Variants in COL28A1 observed in about 807,000 individuals in gnomAD.
COL28A1 encodes collagen alpha-1(XXVIII) chain.
COL28A1 carries 161 observed loss-of-function variants against 150.2 expected under a neutral mutation model. That is an observed-to-expected ratio of 1.07 (90% confidence interval 0.94 to 1.22). COL28A1 has a LOEUF of 1.22. Ranked by LOEUF, COL28A1 falls within the 50% of genes most tolerant of loss-of-function variation. The pLI is 0.00. For missense variants in COL28A1, 1,617 were observed against 1,388.3 expected (o/e 1.16, Z -2.62); for synonymous variants, 552 against 469.7 (o/e 1.18, Z -2.26).
At chr7:7,507,224 G>C in intron 9 of COL28A1, 63 bp from the exon 10 acceptor site, 1 of 773,408 alleles carries the variant, frequency 1.3e-6, no homozygotes, top group Non-Finnish European at 2.2e-6. Context: ...AGTGATTTTA[G>C]GTAGGAGGGA....
chr7:7,474,568 A>T (rs765969936), intron 15 of COL28A1, 33 bp downstream of exon 15: 1 of 896,366 alleles, frequency 1.1e-6, no homozygotes, highest in South Asian at 1.4e-5. Context: ...TTTTATTGGC[A>T]TTGTTTCCAG....
chr7:7,341,577 C>G, the COL28A1 span, among the ~76,000 whole-genome samples: 25 of 152,038 alleles, frequency 1.6e-4, no homozygotes, highest in African/African-American at 6.0e-4. Flanking sequence ...CACCTGACTT[C>G]TTATTAATTT....
At chr7:7,514,177 AG>A (rs59124364) in intron 8 of COL28A1, among the ~76,000 whole-genome samples, 19,799 of 152,216 alleles carry the variant, frequency 0.13, 1,427 homozygotes, top group East Asian at 0.21. Flanking sequence ...AAAATGGAGG[AG>A]GGGGCCACCC....
intron 26 of COL28A1, among the ~76,000 whole-genome samples, chr7:7,418,551 T>C (rs1249270107): frequency 6.6e-6 from 1 of 152,212 alleles, no homozygotes; most frequent in Non-Finnish European, 1.5e-5. Context: ...AGTAGACTAA[T>C]GGCTCTAACA....
chr7:7,374,037 A>AT (rs1367047717), intron 31 of COL28A1, among the ~76,000 whole-genome samples: 28,986 of 107,732 alleles, frequency 0.27, 3,974 homozygotes, highest in South Asian at 0.4. Flanking sequence ...AAAAAAAAAA[A>AT]AATATATATA....
intron 20 of COL28A1, among the ~76,000 whole-genome samples, chr7:7,441,757 G>A (rs893288176): frequency 1.3e-5 from 2 of 151,980 alleles, no homozygotes; most frequent in Admixed American, 6.6e-5. Flanking sequence ...CTGGTTCAGG[G>A]ACCACACTTT....
At chr7:7,349,276 C>T in the COL28A1 span, among the ~76,000 whole-genome samples, 16 of 152,188 alleles carry the variant, frequency 1.1e-4, no homozygotes, top group East Asian at 9.6e-4. Flanking sequence ...CACCTATTTA[C>T]GGCCCAGAAT....
intron 18 of COL28A1, among the ~76,000 whole-genome samples, chr7:7,449,185 A>G (rs188806762): frequency 1.3e-3 from 193 of 152,266 alleles, no homozygotes; most frequent in Non-Finnish European, 2.4e-3. Flanking sequence ...AGTCAGTTGA[A>G]TGATCATCAT....
chr7:7,473,621 A>G (rs892391342), intron 15 of COL28A1, among the ~76,000 whole-genome samples: 2 of 152,214 alleles, frequency 1.3e-5, no homozygotes, highest in Non-Finnish European at 2.9e-5. Context: ...TATGGAAAAC[A>G]GTGTGGAGAT....
the COL28A1 span, among the ~76,000 whole-genome samples, chr7:7,345,330 A>AATATGTTC: frequency 6.6e-6 from 1 of 152,070 alleles, no homozygotes; most frequent in South Asian, 2.1e-4. Flanking sequence ...CAAGGCTTTT[A>AATATGTTC]ATATGTTCAT....
At position 7,454,822 on chromosome 7, in the gene COL28A1, T is replaced by C. The variant is rs551302811; in HGVS notation, c.1371+1222A>G. Among the ~76,000 whole-genome samples the C allele has an allele frequency of 2.0e-5, 3 of 152,348 alleles. No homozygotes were observed. The South Asian group carries it at 6.2e-4, about 32-fold the overall frequency. ...TAAAAGGCTTGAGAATGTCGGCTGG[T>C]ATAATCAAATGATGATATTTGAGTA... On this transcript the variant is annotated intron_variant, in intron 16 of 34. Coordinates refer to ENST00000399429, the MANE Select transcript of COL28A1 (RefSeq NM_001037763.3).
intron 11 of COL28A1, among the ~76,000 whole-genome samples, chr7:7,504,691 C>A (rs74345229): frequency 0.017 from 2,539 of 152,248 alleles, 91 homozygotes; most frequent in African/African-American, 0.058. Context: ...CTGCCTCAGG[C>A]AAGCCATTTG....
intron 27 of COL28A1, among the ~76,000 whole-genome samples, chr7:7,414,844 C>A (rs1338364441): frequency 1.3e-5 from 2 of 152,204 alleles, no homozygotes; most frequent in African/African-American, 2.4e-5. Flanking sequence ...CTCACAAGGG[C>A]CCTGCCTACT....
At chr7:7,342,568 T>C in the COL28A1 span, among the ~76,000 whole-genome samples, 3 of 152,036 alleles carry the variant, frequency 2.0e-5, no homozygotes, top group African/African-American at 7.2e-5. Context: ...TTTTTCCATC[T>C]ACTAGATTTG....
chr7:7,487,433 C>G lies in COL28A1; in HGVS notation c.1164+1956G>C, dbSNP rs185508308. 9.3e-4 allele frequency among the ~76,000 whole-genome samples: 142 copies of G among 152,156 alleles called. 2 individuals are homozygous for G. The East Asian group carries it at 0.022, about 24-fold the overall frequency. ...TCTCTACAAAAACTACAAAAATTAG[C>G]CAGGCATGGTGGCGGGCACCTGTAA... On this transcript the variant is annotated intron_variant, in intron 13 of 34. Transcript: ENST00000399429.
the COL28A1 span, among the ~76,000 whole-genome samples, chr7:7,343,972 C>A: frequency 6.6e-6 from 1 of 151,610 alleles, no homozygotes; most frequent in African/African-American, 2.4e-5. Context: ...TGTACTACTG[C>A]CTCCAGCTGG....
At chr7:7,525,538 G>A (rs1043475070) in intron 3 of COL28A1, among the ~76,000 whole-genome samples, 13 of 152,104 alleles carry the variant, frequency 8.5e-5, no homozygotes, top group African/African-American at 7.2e-5. Flanking sequence ...ATTTACATAC[G>A]ATAAAATAGA....
intron 25 of COL28A1, among the ~76,000 whole-genome samples, chr7:7,423,034 T>C (rs939317160): frequency 6.6e-6 from 1 of 152,240 alleles, no homozygotes; most frequent in Non-Finnish European, 1.5e-5. Flanking sequence ...AGCAAATGGG[T>C]AAGACAAGCT....
chr7:7,375,437 G>GT (rs1781491046), intron 31 of COL28A1, 24 bp downstream of exon 31: 1 of 1,566,782 alleles, frequency 6.4e-7, no homozygotes, highest in East Asian at 2.3e-5. Flanking sequence ...TTAAAGTGAT[G>GT]TTTTTTCCTT....
Sources: gnomAD v4.1 joint callset for allele counts (sites outside exome capture counted in the v4.1 genomes callset) on GRCh38, gnomAD v4.1.1 for gene constraint, MANE v1.5 for transcripts, NCBI Gene and HGNC (gene_info 2026-07-23, HGNC 2026-07-21) for gene names.